Variants in SPATA6 observed in about 807,000 individuals in gnomAD.
The protein encoded by SPATA6 is spermatogenesis associated 6.
A neutral mutation model predicts 65.3 loss-of-function variants in SPATA6; 56 were observed. The observed-to-expected ratio is 0.86, with a 90% CI of 0.69 to 1.07. The LOEUF (loss-of-function observed/expected upper bound fraction) is 1.07. Ranked by LOEUF, SPATA6 falls within the 50% of genes least tolerant of loss-of-function variation. SPATA6 has a pLI of 0.00. For synonymous variants in SPATA6, 199 were observed against 213.2 expected (o/e 0.93, Z 0.58); for missense variants, 590 against 594.8 (o/e 0.99, Z 0.08).
At chr1:48,326,511 T>A (rs1304953483) in intron 11 of SPATA6, among the ~76,000 whole-genome samples, 1 of 141,202 alleles carries the variant, frequency 7.1e-6, no homozygotes, top group Non-Finnish European at 1.5e-5. Context: ...ATCCTAAAGT[T>A]CATATGAAAC....
chr1:48,286,585 T>A, the SPATA6 span, among the ~76,000 whole-genome samples: 3 of 152,198 alleles, frequency 2.0e-5, no homozygotes. Flanking sequence ...TATATGATCA[T>A]GCCAAATGCA....
chr1:48,427,693 C>T (rs1353987210), intron 3 of SPATA6, among the ~76,000 whole-genome samples: 2 of 152,050 alleles, frequency 1.3e-5, no homozygotes, highest in African/African-American at 4.8e-5. Flanking sequence ...GCCATCAAAC[C>T]CACACACTGT....
chr1:48,395,401 A>G, intron 7 of SPATA6, 47 bp from the exon 8 acceptor site: 2 of 1,372,908 alleles, frequency 1.5e-6, no homozygotes, highest in Non-Finnish European at 1.9e-6. Context: ...AAACATTCCT[A>G]GACTTTCAAT....
intron 1 of SPATA6, among the ~76,000 whole-genome samples, chr1:48,468,139 C>G (rs1657955127): frequency 6.6e-6 from 1 of 152,184 alleles, no homozygotes; most frequent in South Asian, 2.1e-4. Context: ...TCACCATACT[C>G]ATGATATGGA....
chr1:48,265,366 C>T, the SPATA6 span, among the ~76,000 whole-genome samples: 7 of 149,642 alleles, frequency 4.7e-5, no homozygotes, highest in South Asian at 4.2e-4. Flanking sequence ...CATAAATGAA[C>T]GATTTTGATA....
At chr1:48,458,671 TA>T (rs1040293782) in intron 1 of SPATA6, among the ~76,000 whole-genome samples, 5 of 151,870 alleles carry the variant, frequency 3.3e-5, no homozygotes, top group Admixed American at 3.3e-4. Flanking sequence ...TTATGCTAAG[TA>T]AAAAAAAGTA....
chr1:48,370,760 T>G (rs1647215748), intron 9 of SPATA6, among the ~76,000 whole-genome samples: 1 of 152,098 alleles, frequency 6.6e-6, no homozygotes, highest in Non-Finnish European at 1.5e-5. Context: ...AAACAGCTGT[T>G]AAGCAGTGGG....
At chr1:48,413,403 C>A (rs1257014067) in intron 3 of SPATA6, among the ~76,000 whole-genome samples, 1 of 151,088 alleles carries the variant, frequency 6.6e-6, no homozygotes, top group African/African-American at 2.4e-5. Flanking sequence ...AATTCCCCTG[C>A]CTCAGCCTCC....
downstream of SPATA6, among the ~76,000 whole-genome samples, chr1:48,290,988 C>T (rs1644763293): frequency 6.6e-6 from 1 of 152,132 alleles, no homozygotes; most frequent in South Asian, 2.1e-4. Context: ...AGCTCTGCAC[C>T]AAGCAGACCT....
intron 3 of SPATA6, among the ~76,000 whole-genome samples, chr1:48,421,812 T>G (rs566790151): frequency 1.1e-4 from 16 of 152,126 alleles, no homozygotes; most frequent in African/African-American, 3.6e-4. Flanking sequence ...AAAACATTAG[T>G]AGTAACAAGC....
intron 9 of SPATA6, among the ~76,000 whole-genome samples, chr1:48,378,613 C>T (rs921627930): frequency 6.6e-6 from 1 of 152,092 alleles, no homozygotes; most frequent in African/African-American, 2.4e-5. Flanking sequence ...GAAGCAAAAG[C>T]GGAAAGCCCT....
chr1:48,411,868 CTTT>C (rs551357245), intron 4 of SPATA6, among the ~76,000 whole-genome samples: 1 of 146,296 alleles, frequency 6.8e-6, no homozygotes, highest in Non-Finnish European at 1.5e-5. Flanking sequence ...TTGAGACAGA[CTTT>C]TTTTTTTTTG....
chr1:48,300,206 G>A (rs149906190), intron 12 of SPATA6, among the ~76,000 whole-genome samples: 241 of 152,088 alleles, frequency 1.6e-3, no homozygotes, highest in Middle Eastern at 0.014. Context: ...CATAAATTCC[G>A]GAATTACATT....
intron 3 of SPATA6, among the ~76,000 whole-genome samples, chr1:48,428,818 T>C (rs1030817367): frequency 6.7e-6 from 1 of 149,354 alleles, no homozygotes; most frequent in Non-Finnish European, 1.5e-5. Flanking sequence ...TGTATATGTA[T>C]ATATATGTGT....
chr1:48,267,066 TATA>T, the SPATA6 span, among the ~76,000 whole-genome samples: 8 of 151,676 alleles, frequency 5.3e-5, no homozygotes, highest in Non-Finnish European at 1.0e-4. Context: ...TAGTGAGCTA[TATA>T]ATAATAATAA....
At chr1:48,354,897 A>G (rs1247271338) in intron 11 of SPATA6, among the ~76,000 whole-genome samples, 1 of 152,000 alleles carries the variant, frequency 6.6e-6, no homozygotes, top group Non-Finnish European at 1.5e-5. Context: ...TTATTTGTGC[A>G]TTTTCTATGT....
intron 9 of SPATA6, among the ~76,000 whole-genome samples, chr1:48,362,816 A>C (rs1646855678): frequency 6.6e-6 from 1 of 152,172 alleles, no homozygotes; most frequent in Admixed American, 6.6e-5. Context: ...AAGATGAAAA[A>C]TGAATAATAG....
At position 48,415,588 on chromosome 1, in the gene SPATA6, T is replaced by A. The variant is rs533364389; in HGVS notation, c.239-2437A>T. Among the ~76,000 whole-genome samples the A allele has an allele frequency of 2.0e-5, 3 of 151,326 alleles. No individual in the cohort carries two copies. In the East Asian group the frequency reaches 5.8e-4, roughly 29 times the overall value. ...ATGGCTGAAGAAAGAATCTTAAAGC[T>A]TAAAGATATGACAACAAAAATTTCC... On this transcript the variant is annotated intron_variant, in intron 3 of 12. Coordinates refer to ENST00000371847, the MANE Select transcript of SPATA6 (RefSeq NM_019073.4).
At chr1:48,317,728 G>A (rs542736504) in intron 11 of SPATA6, among the ~76,000 whole-genome samples, 1 of 151,636 alleles carries the variant, frequency 6.6e-6, no homozygotes, top group Admixed American at 6.6e-5. Context: ...ATGGCTTCAT[G>A]GTGTTATATA....
Sources: allele counts gnomAD v4.1 joint callset (sites outside exome capture counted in the v4.1 genomes callset), GRCh38; gene constraint gnomAD v4.1.1; transcripts MANE v1.5; gene names NCBI Gene and HGNC (gene_info 2026-07-23, HGNC 2026-07-21).